Variants in MYLIP observed in about 807,000 individuals in gnomAD.
MYLIP encodes E3 ubiquitin-protein ligase MYLIP.
MYLIP carries 26 observed loss-of-function variants against 45.8 expected under a neutral mutation model. The observed-to-expected ratio is 0.57, with a 90% CI of 0.42 to 0.79. The LOEUF (loss-of-function observed/expected upper bound fraction) is 0.79. Ranked by LOEUF, MYLIP falls within the 30% of genes least tolerant of loss-of-function variation. MYLIP has a pLI of 0.00. For missense variants in MYLIP, 494 were observed against 555.6 expected (o/e 0.89, Z 1.11); for synonymous variants, 213 against 218.1 (o/e 0.98, Z 0.21).
chr6:16,143,682 C>T lies in MYLIP; in HGVS notation c.663-17C>T. The T allele has an allele frequency of 1.2e-6, 2 of 1,612,378 alleles. No homozygotes were observed. The highest frequency in any genetic ancestry group is 1.3e-5 in the African/African-American group (1 of 74,966). ...ACTCCTTCTAGATCTGCTTTCTTTT[C>T]TCTTCCTGTCTCTTAGGATAGCTTA... On this transcript the variant is annotated splice_polypyrimidine_tract_variant and intron_variant, in intron 4 of 6. Coordinates refer to ENST00000356840, the MANE Select transcript of MYLIP (RefSeq NM_013262.4).
downstream of MYLIP, among the ~76,000 whole-genome samples, chr6:16,151,977 A>G (rs1289483358): frequency 6.6e-6 from 1 of 152,252 alleles, no homozygotes. Context: ...ATGAATATGT[A>G]GATATATGTA....
chr6:16,161,369 C>T, the MYLIP span: 1 of 242,450 alleles, frequency 4.1e-6, no homozygotes, highest in East Asian at 1.1e-4. Flanking sequence ...CCTGCTGCTG[C>T]CTCCCAAACT....
rs760153166 is a variant in MYLIP at position 16,141,656 on chromosome 6, C to T, written c.310C>T (p.Leu104Phe). 1 of 1,613,714 alleles carries T rather than the reference C, an allele frequency of 6.2e-7. No homozygotes were observed. Among genetic ancestry groups the T allele is most frequent in the Non-Finnish European group, 8.5e-7 (1 of 1,179,680 alleles). ...HIFFLHIKEA[L>F]LAGHLLCSPE... ...CTTTTTCTTGCACATCAAGGAGGCC[C>T]TCTTGGCAGGCCACCTCTTGTGTTC... Residue 104 changes from leucine to phenylalanine, a missense_variant, in exon 3 of 7, where the codon CTC (leucine) becomes TTC (phenylalanine). Coordinates refer to ENST00000356840, the MANE Select transcript of MYLIP (RefSeq NM_013262.4).
At chr6:16,154,138 T>TA in the MYLIP span, among the ~76,000 whole-genome samples, 1 of 152,130 alleles carries the variant, frequency 6.6e-6, no homozygotes, top group Admixed American at 6.5e-5. Context: ...TTTCTCCTTT[T>TA]AAAAAAATTA....
Position 16,141,702 on chromosome 6 carries a change from T to C in MYLIP, c.356T>C (p.Leu119Pro), listed in dbSNP as rs1356042016. The C allele has an allele frequency of 1.2e-6, 2 of 1,614,146 alleles. No individual in the cohort carries two copies. Among genetic ancestry groups the C allele is most frequent in the Non-Finnish European group, 1.7e-6 (2 of 1,179,990 alleles). ...LLCSPEQAVELSALLAQTKFG... is the reference protein window; with the variant it reads ...LLCSPEQAVEPSALLAQTKFG... ...TGTTCCCCAGAGCAGGCAGTGGAACTCAGTGCCCTCCTGGCCCAGACCAAG... is the reference window on the plus strand; with the variant it reads ...TGTTCCCCAGAGCAGGCAGTGGAACCCAGTGCCCTCCTGGCCCAGACCAAG... Residue 119 changes from leucine (L) to proline (P), a missense_variant, in exon 3 of 7, where the codon CTC becomes CCC. Coordinates refer to ENST00000356840, the MANE Select transcript of MYLIP (RefSeq NM_013262.4).
downstream of MYLIP, among the ~76,000 whole-genome samples, chr6:16,151,418 C>T (rs112129014): frequency 0.063 from 9,606 of 151,840 alleles, 336 homozygotes; most frequent in African/African-American, 0.1. Flanking sequence ...TTTGCATGTG[C>T]GCCTGAAGGA....
chr6:16,150,865 T>C (rs1246699516), downstream of MYLIP, among the ~76,000 whole-genome samples: 1 of 152,182 alleles, frequency 6.6e-6, no homozygotes, highest in East Asian at 1.9e-4. Context: ...TATATTTATC[T>C]TGTCACAGGA....
At chr6:16,143,896 CCACAGCT>C in intron 5 of MYLIP, 33 bp downstream of exon 5, 1 of 1,594,414 alleles carries the variant, frequency 6.3e-7, no homozygotes, top group Non-Finnish European at 8.6e-7. Context: ...CACCTCAGCA[CCACAGCT>C]CTCAGGTTTT....
downstream of MYLIP, among the ~76,000 whole-genome samples, chr6:16,151,704 GAGTT>G (rs1759882256): frequency 1.3e-5 from 2 of 152,298 alleles, no homozygotes; most frequent in African/African-American, 4.8e-5. Flanking sequence ...GGATATTAAA[GAGTT>G]AGCCCTATGC....
In MYLIP at chr6:16,129,564, G is replaced by A. The variant is rs1759412114; in HGVS notation, c.87+155G>A. On this transcript the variant is annotated intron_variant, in intron 1 of 6. Transcript: ENST00000356840. The surrounding 1 kb of genome is among the most constrained non-coding windows in gnomAD (Gnocchi z 5.1). The stretch of plus-strand genomic sequence containing the variant: ...GCGTCCCCTCCTCTCCACGGGCGTG[G>A]GGCGCGCGGTCTCCTCCTGGCGCGC... Among the ~76,000 whole-genome samples, 1 of 152,108 alleles carries A rather than the reference G, an allele frequency of 6.6e-6. No homozygotes were observed. Among genetic ancestry groups the A allele is most frequent in the Non-Finnish European group, 1.5e-5 (1 of 67,986 alleles).
At chr6:16,142,157 G>A (rs1167193052) in intron 3 of MYLIP, among the ~76,000 whole-genome samples, 1 of 152,234 alleles carries the variant, frequency 6.6e-6, no homozygotes, top group Non-Finnish European at 1.5e-5. Flanking sequence ...AAATGTATAA[G>A]CATTTCCAAA....
At chr6:16,154,025 C>A in the MYLIP span, among the ~76,000 whole-genome samples, 530 of 152,292 alleles carry the variant, frequency 3.5e-3, 4 homozygotes, top group African/African-American at 0.012. Context: ...GTAAGCCATA[C>A]CCCTATGCTT....
At chr6:16,134,584 G>A (rs1429608636) in intron 2 of MYLIP, among the ~76,000 whole-genome samples, 1 of 152,110 alleles carries the variant, frequency 6.6e-6, no homozygotes, top group Non-Finnish European at 1.5e-5. Context: ...TCAAGTTATA[G>A]CATCACTTTA....
At chr6:16,159,336 C>T in the MYLIP span, among the ~76,000 whole-genome samples, 1 of 152,124 alleles carries the variant, frequency 6.6e-6, no homozygotes, top group African/African-American at 2.4e-5. Context: ...CAAGCATTGG[C>T]GCCAGCTCCC....
At chr6:16,155,543 G>C in the MYLIP span, among the ~76,000 whole-genome samples, 2 of 152,244 alleles carry the variant, frequency 1.3e-5, no homozygotes, top group African/African-American at 4.8e-5. Context: ...GAATTCTATG[G>C]GGAGATGACA....
chr6:16,135,475 T>C (rs1225101016), intron 2 of MYLIP, among the ~76,000 whole-genome samples: 1 of 152,126 alleles, frequency 6.6e-6, no homozygotes, highest in Non-Finnish European at 1.5e-5. Flanking sequence ...ATTTTGTACT[T>C]TGGGCTTTGA....
intron 4 of MYLIP, 131 bp from the exon 5 acceptor site, chr6:16,143,565 GTGA>G (rs1759722417): frequency 1.1e-6 from 1 of 880,742 alleles, no homozygotes; most frequent in Admixed American, 2.8e-5. Context: ...CAGCATTATG[GTGA>G]TGTGATAACC....
chr6:16,137,486 G>C (rs1302800296), intron 2 of MYLIP, among the ~76,000 whole-genome samples: 1 of 152,098 alleles, frequency 6.6e-6, no homozygotes, highest in Non-Finnish European at 1.5e-5. Flanking sequence ...TAAAGATGTA[G>C]GTTAGTTCTT....
intron 2 of MYLIP, among the ~76,000 whole-genome samples, chr6:16,137,089 C>G (rs550543587): frequency 1.3e-5 from 2 of 152,142 alleles, no homozygotes; most frequent in African/African-American, 2.4e-5. Flanking sequence ...GAAACCTTTG[C>G]TACCTGGAAG....
Sources: gnomAD v4.1 joint callset for allele counts (sites outside exome capture counted in the v4.1 genomes callset) on GRCh38, gnomAD v4.1.1 for gene constraint, Gnocchi (gnomAD v3.1) non-coding constraint, MANE v1.5 for transcripts, NCBI Gene and HGNC (gene_info 2026-07-23, HGNC 2026-07-21) for gene names.